The following PDCD7 variants were observed in gnomAD, a reference collection of about 807,000 sequenced individuals.
PDCD7 encodes the protein programmed cell death 7.
A neutral mutation model predicts 42.1 loss-of-function variants in PDCD7; 40 were observed. The observed-to-expected ratio is 0.95, with a 90% confidence interval of 0.74 to 1.24. PDCD7 has a LOEUF of 1.24. PDCD7 is among the 50% of genes most tolerant of loss of function. The pLI is 0.00. For missense variants in PDCD7, 644 were observed against 662.8 expected (o/e 0.97, Z 0.31); for synonymous variants, 299 against 303.3 (o/e 0.99, Z 0.15).
chr15:65,133,715 C>T lies in PDCD7; in HGVS notation c.67G>A (p.Ala23Thr), dbSNP rs1248402416. Residue 23 changes from alanine to threonine, a missense_variant, in exon 1 of 5, where the codon GCT (alanine) becomes ACT (threonine). Ala to Thr is a moderately conservative substitution (Grantham distance 58, BLOSUM62 0). Coordinates refer to ENST00000204549, the MANE Select transcript of PDCD7 (RefSeq NM_005707.2). ...GPPPPQPPPP[A>T]PFGCPPPPLP... ...GGCGGTGGCGGACAGCCGAAAGGAG[C>T]AGGAGGCGGCGGCTGCGGGGGCGGT... 1.5e-6 allele frequency: 2 copies of T among 1,312,804 alleles called. No homozygotes were observed. Among genetic ancestry groups the T allele is most frequent in the Non-Finnish European group, 1.9e-6 (2 of 1,026,488 alleles). The allele number at this position is 1,312,804 out of a possible 1,614,324, so 81.3% of individuals were successfully genotyped here. A position where few individuals can be genotyped will look rare whatever the true frequency, so the allele number is the denominator to read the frequency against.
Position 65,133,229 on chromosome 15 carries a change from C to A in PDCD7, c.553G>T (p.Val185Leu). 7.2e-7 allele frequency: 1 copy of A among 1,379,738 alleles called. No homozygotes were observed. The highest frequency in any genetic ancestry group is 9.3e-7 in the Non-Finnish European group (1 of 1,076,336). 85.5% of individuals were successfully genotyped at this position (1,379,738 alleles called of 1,614,324 possible). Residue 185 changes from valine (V) to leucine (L), a missense_variant, in exon 1 of 5, where the codon GTG becomes TTG. Transcript: ENST00000204549. ...RARLLRALRLVRRLRGLSQAL... is the reference protein window; with the variant it reads ...RARLLRALRLLRRLRGLSQAL... The stretch of plus-strand genomic sequence containing the variant: ...TGGCTCAGGCCGCGCAGCCGCCGCA[C>A]CAGGCGCAGAGCCCGGAGCAATCGC...
rs1445393807 is a variant in PDCD7 at position 65,133,271 on chromosome 15, G to A, written c.511C>T (p.Leu171Phe). The A allele has an allele frequency of 3.0e-6, 4 of 1,328,048 alleles. No homozygotes were observed. Among genetic ancestry groups the A allele is most frequent in the Admixed American group, 8.0e-5 (2 of 25,038 alleles). The allele number at this position is 1,328,048 out of a possible 1,614,324, so 82.3% of individuals were successfully genotyped here. A position where few individuals can be genotyped will look rare whatever the true frequency, so the allele number is the denominator to read the frequency against. ...VPQRTHAGPS[L>F]GEVRARLLRA... ...AGCAATCGCGCGCGCACTTCGCCAA[G>A]GCTGGGCCCGGCATGCGTGCGCTGG... is the stretch of plus-strand genomic sequence containing the variant. The change falls in exon 1 of 5, where the codon CTT becomes TTT. Residue 171 changes from leucine (L) to phenylalanine (F), a missense_variant. By Grantham distance (22) the Leu-to-Phe change is conservative. Coordinates refer to ENST00000204549, the MANE Select transcript of PDCD7 (RefSeq NM_005707.2).
chr15:65,128,178 ACT>A (rs553254552), intron 2 of PDCD7, among the ~76,000 whole-genome samples: 156 of 152,296 alleles, frequency 1.0e-3, no homozygotes, highest in African/African-American at 3.5e-3. Context: ...TAATTTGTAC[ACT>A]CTCAAATATC....
At chr15:65,126,373 G>T (rs961312875) in intron 2 of PDCD7, among the ~76,000 whole-genome samples, 2 of 152,074 alleles carry the variant, frequency 1.3e-5, no homozygotes, top group African/African-American at 4.8e-5. Flanking sequence ...TATCCAGGAT[G>T]TACCACACAC....
chr15:65,119,800 TTC>T lies in PDCD7; in HGVS notation c.1162_1163del (p.Glu388IlefsTer18). Reference protein sequence around the residue: ...EGEQEEERKRELEKKQRKEKE... With the variant: ...EGEQEEERKRXLEKKQRKEKE... ...TTTCTTTTCTTTGTTTCTTTTCTAA[TTC>T]TCTTTTCCTCTCTTCCTCTTGTTCT... On this transcript the variant is annotated frameshift_variant, in exon 3 of 5. Coordinates refer to ENST00000204549, the MANE Select transcript of PDCD7 (RefSeq NM_005707.2). LOFTEE classifies it high-confidence loss of function. 5 of 1,613,166 alleles carry T rather than the reference TTC, an allele frequency of 3.1e-6. No homozygotes were observed. Among genetic ancestry groups the T allele is most frequent in the Non-Finnish European group, 4.2e-6 (5 of 1,179,564 alleles).
At chr15:65,125,672 A>G (rs78540980) in intron 2 of PDCD7, among the ~76,000 whole-genome samples, 7,079 of 152,292 alleles carry the variant, frequency 0.046, 224 homozygotes, top group Non-Finnish European at 0.068. Context: ...TACTTTACAC[A>G]TATTTATTAA....
At chr15:65,121,053 CTT>C (rs767625477) in intron 2 of PDCD7, among the ~76,000 whole-genome samples, 10 of 130,124 alleles carry the variant, frequency 7.7e-5, no homozygotes, top group Admixed American at 7.8e-5. Flanking sequence ...GACTTTCTTT[CTT>C]TTTTTTTTTT....
At chr15:65,128,179 C>G (rs1005556241) in intron 2 of PDCD7, among the ~76,000 whole-genome samples, 3 of 151,912 alleles carry the variant, frequency 2.0e-5, no homozygotes, top group Non-Finnish European at 1.5e-5. Flanking sequence ...AATTTGTACA[C>G]TCTCAAATAT....
In PDCD7 at chr15:65,120,032, G is replaced by A; in HGVS notation, c.1010-78C>T. 5.5e-6 allele frequency: 8 copies of A among 1,446,700 alleles called. No homozygotes were observed. The South Asian group carries it at 9.4e-5, about 17-fold the overall frequency. 89.6% of individuals were successfully genotyped at this position (1,446,700 alleles called of 1,614,324 possible). A position where few individuals can be genotyped will look rare whatever the true frequency, so the allele number is the denominator to read the frequency against. The stretch of plus-strand genomic sequence containing the variant: ...GCCTCGCTCTAACACCCAGGCTGGA[G>A]TACAGTGGTGTGATCATAGCTCACT... On this transcript the variant is annotated intron_variant, in intron 2 of 4. Coordinates refer to ENST00000204549, the MANE Select transcript of PDCD7 (RefSeq NM_005707.2).
chr15:65,133,580 C>G lies in PDCD7; in HGVS notation c.202G>C (p.Ala68Pro). Reference sequence around the variant, plus strand: ...CCGCCTCCGCCGCGGGAGGCCTCCGCGGAGGCTCGGGGCTGCAGAGCCAGC... The same window carrying G: ...CCGCCTCCGCCGCGGGAGGCCTCCGGGGAGGCTCGGGGCTGCAGAGCCAGC... ...PPLALQPRAS[A>P]EASRGGGGAG... is the part of the protein sequence containing the mutation. Residue 68 changes from alanine (A) to proline (P), a missense_variant, in exon 1 of 5, where the codon GCG (alanine) becomes CCG (proline). Physicochemically the swap from Ala to Pro is conservative, Grantham distance 27. Coordinates refer to ENST00000204549, the MANE Select transcript of PDCD7 (RefSeq NM_005707.2). The G allele has an allele frequency of 3.2e-6, 4 of 1,231,784 alleles. No individual in the cohort carries two copies. Among genetic ancestry groups the G allele is most frequent in the Non-Finnish European group, 4.1e-6 (4 of 987,448 alleles). 76.3% of individuals were successfully genotyped at this position (1,231,784 alleles called of 1,614,324 possible).
At chr15:65,128,728 C>CA in intron 2 of PDCD7, among the ~76,000 whole-genome samples, 1 of 152,310 alleles carries the variant, frequency 6.6e-6, no homozygotes, top group Non-Finnish European at 1.5e-5. Flanking sequence ...GGTGACTAGC[C>CA]ATGACAAGCC....
intron 2 of PDCD7, among the ~76,000 whole-genome samples, chr15:65,127,317 C>T (rs536649430): frequency 1.3e-5 from 2 of 151,954 alleles, no homozygotes; most frequent in East Asian, 3.9e-4. Flanking sequence ...ATTAGCCGGG[C>T]GCGGTGGTGG....
At chr15:65,119,286 G>C (rs750025785) in intron 4 of PDCD7, 90 bp downstream of exon 4, 60 of 728,762 alleles carry the variant, frequency 8.2e-5, no homozygotes, top group Non-Finnish European at 1.2e-4. Context: ...AAAAAAAAAA[G>C]ACAGTAATAG....
intron 2 of PDCD7, among the ~76,000 whole-genome samples, chr15:65,124,179 T>C (rs999842577): frequency 2.6e-5 from 4 of 152,022 alleles, no homozygotes; most frequent in African/African-American, 9.7e-5. Flanking sequence ...CCCAACACTT[T>C]GGGAGGCTGA....
chr15:65,131,597 A>C (rs1480897192), intron 1 of PDCD7, among the ~76,000 whole-genome samples: 1 of 151,898 alleles, frequency 6.6e-6, no homozygotes, highest in Non-Finnish European at 1.5e-5. Context: ...AAAAATACAA[A>C]ATTAGCTGGG....
In PDCD7 at chr15:65,118,795, G is replaced by GC. The variant is rs779343497; in HGVS notation, c.1379dup (p.Asn461GlnfsTer23). 1.2e-6 allele frequency: 2 copies of GC among 1,611,016 alleles called. No individual in the cohort carries two copies. Among genetic ancestry groups the GC allele is most frequent in the South Asian group, 2.2e-5 (2 of 90,134 alleles). On this transcript the variant is annotated frameshift_variant, in exon 5 of 5. Coordinates refer to ENST00000204549, the MANE Select transcript of PDCD7 (RefSeq NM_005707.2). LOFTEE classifies it high-confidence loss of function. ...GGACCCATCCTTGGGGAACGAAGTT[G>GC]CCTTTGGGATGATCGGATGGCACCA...
chr15:65,122,916 C>T (rs1234523615), intron 2 of PDCD7, among the ~76,000 whole-genome samples: 4 of 151,364 alleles, frequency 2.6e-5, no homozygotes, highest in Non-Finnish European at 4.4e-5. Context: ...GCAGGAGAAT[C>T]GCTTGAAACC....
In PDCD7 at chr15:65,119,428, G is replaced by A. The variant is rs138625003; in HGVS notation, c.1282C>T (p.Arg428Ter). 37 of 1,613,930 alleles carry A rather than the reference G, an allele frequency of 2.3e-5. No individual in the cohort carries two copies. The highest frequency in any genetic ancestry group is 1.7e-4 in the Middle Eastern group (1 of 6,060). ...TGCTCGGCTTGGAGATAATACTGTC[G>A]GAAAGGCTCCAAGAGGTGAGCAAGT... ...FPLAHLLEPFRQYYLQAEHSL... is the reference protein window; with the variant it reads ...FPLAHLLEPF The change falls in exon 4 of 5, where the codon CGA becomes TGA. Residue 428 changes from arginine to a stop codon, truncating the protein, a stop_gained. Transcript: ENST00000204549. LOFTEE classifies it high-confidence loss of function.
intron 2 of PDCD7, among the ~76,000 whole-genome samples, chr15:65,126,770 CAA>C (rs1475202005): frequency 7.6e-6 from 1 of 131,870 alleles, no homozygotes; most frequent in African/African-American, 2.8e-5. Flanking sequence ...AAAAAAAAAG[CAA>C]AAAAAAAAAG....
Sources: gnomAD v4.1 joint callset for allele counts (sites outside exome capture counted in the v4.1 genomes callset) on GRCh38, gnomAD v4.1.1 for gene constraint, MANE v1.5 for transcripts, NCBI Gene and HGNC (gene_info 2026-07-23, HGNC 2026-07-21) for gene names.